The following NSL1 variants were observed in gnomAD, a reference collection of about 807,000 sequenced individuals.
NSL1 encodes the protein NSL1 component of MIS12 kinetochore complex.
In NSL1, 11 loss-of-function variants were observed where a neutral mutation model predicts 25.4. The observed-to-expected ratio is 0.43, with a 90% CI of 0.27 to 0.72. NSL1 has a LOEUF of 0.72. Ranked by LOEUF, NSL1 falls within the 30% of genes least tolerant of loss-of-function variation. The probability of loss-of-function intolerance (pLI) is 0.19; values close to 1 mark genes in which losing one functional copy is unlikely to be tolerated. For synonymous variants in NSL1, 118 were observed against 120.6 expected (o/e 0.98, Z 0.14); for missense variants, 330 against 342.7 (o/e 0.96, Z 0.29).
intron 4 of NSL1, among the ~76,000 whole-genome samples, chr1:212,778,392 TCGCTCTC>T (rs1413168207): frequency 1.3e-5 from 2 of 151,940 alleles, no homozygotes. Context: ...GCGTCAGTTT[TCGCTCTC>T]TCCTCTCTCC....
At chr1:212,770,814 T>C (rs542978414) in intron 4 of NSL1, among the ~76,000 whole-genome samples, 79 of 152,188 alleles carry the variant, frequency 5.2e-4, no homozygotes, top group African/African-American at 1.9e-3. Flanking sequence ...GCAAACTGAA[T>C]TGAACAACAC....
At chr1:212,764,015 G>C (rs1160631804) in intron 4 of NSL1, 1 of 440,050 alleles carries the variant, frequency 2.3e-6, no homozygotes, top group Non-Finnish European at 4.6e-6. Context: ...TCCAAGATAG[G>C]TGATATGATG....
In NSL1 at chr1:212,729,900, A is replaced by G; in HGVS notation, c.*8508T>C. ...CAGGCAGCAAGGACCCTGAGGGGGC[A>G]GGTAACCAGAAGCTGCCTTGTGGAG... On this transcript the variant is annotated 3_prime_UTR_variant, in exon 6 of 6. Transcript: ENST00000366977. The G allele has an allele frequency of 2.0e-6, 2 of 985,340 alleles. No homozygotes were observed. Among genetic ancestry groups the G allele is most frequent in the Non-Finnish European group, 2.4e-6 (2 of 829,912 alleles). The allele number at this position is 985,340 out of a possible 1,614,324, so 61.0% of individuals were successfully genotyped here.
intron 2 of NSL1, 74 bp from the exon 3 acceptor site, chr1:212,784,567 C>T: frequency 1.1e-6 from 1 of 879,786 alleles, no homozygotes; most frequent in Non-Finnish European, 1.6e-6. Flanking sequence ...TGGAAATGTG[C>T]TATAAACTAA....
In NSL1 at chr1:212,736,593, G is replaced by T. The variant is rs1176224030; in HGVS notation, c.*1815C>A. 1.0e-6 allele frequency: 1 copy of T among 985,146 alleles called. No homozygotes were observed. Among genetic ancestry groups the T allele is most frequent in the African/African-American group, 1.7e-5 (1 of 57,206 alleles). The allele number at this position is 985,146 out of a possible 1,614,324, so 61.0% of individuals were successfully genotyped here. On this transcript the variant is annotated 3_prime_UTR_variant, in exon 6 of 6. Transcript: ENST00000366977. ...CTAATACGTACTGTCTTTCCCAGTGGTATTTCTATTTTAAACTCTGCTATA... is the reference window on the plus strand; with the variant it reads ...CTAATACGTACTGTCTTTCCCAGTGTTATTTCTATTTTAAACTCTGCTATA...
intron 4 of NSL1, among the ~76,000 whole-genome samples, chr1:212,758,545 T>A (rs1355926538): frequency 1.3e-5 from 2 of 152,182 alleles, no homozygotes; most frequent in Admixed American, 1.3e-4. Flanking sequence ...TTAAAAATAA[T>A]TCAATTTACA....
rs910966256 is a variant in NSL1, at chr1:212,735,195, T to C, written c.*3213A>G. ...CTTTAAGATCTCTGACTTTTGATCA[T>C]AGACAGGTTAAGTAACTTGTCCAAT... On this transcript the variant is annotated 3_prime_UTR_variant, in exon 6 of 6. Transcript: ENST00000366977. 6 of 541,434 alleles carry C rather than the reference T, an allele frequency of 1.1e-5. No homozygotes were observed. The highest frequency in any genetic ancestry group is 6.4e-5 in the Admixed American group (1 of 15,722). 33.5% of individuals were successfully genotyped at this position (541,434 alleles called of 1,614,324 possible).
Position 212,731,098 on chromosome 1 carries a change from C to A in NSL1, c.*7310G>T, listed in dbSNP as rs1014547172. 13 of 984,896 alleles carry A rather than the reference C, an allele frequency of 1.3e-5. No homozygotes were observed. The Admixed American group carries it at 7.4e-4, about 56-fold the overall frequency. 61.0% of individuals were successfully genotyped at this position (984,896 alleles called of 1,614,324 possible). ...TCCTTTCATATAAAATCCCCAAGAA[C>A]CCCCTTCAGTGGTTCTCTAGAGAGA... On this transcript the variant is annotated 3_prime_UTR_variant, in exon 6 of 6. Transcript: ENST00000366977.
rs1447308786 is a variant in NSL1 at position 212,731,565 on chromosome 1, T to C, written c.*6843A>G. ...TGCATTTAATTTTAAAAATCAAATC[T>C]ATGAGGCTTCTATCAAAAATTATCA... On this transcript the variant is annotated 3_prime_UTR_variant, in exon 6 of 6. Transcript: ENST00000366977. The C allele has an allele frequency of 1.0e-6, 1 of 985,306 alleles. No homozygotes were observed. The highest frequency in any genetic ancestry group is 1.2e-6 in the Non-Finnish European group (1 of 829,920). The allele number at this position is 985,306 out of a possible 1,614,324, so 61.0% of individuals were successfully genotyped here. A position where few individuals can be genotyped will look rare whatever the true frequency, so the allele number is the denominator to read the frequency against.
intron 4 of NSL1, among the ~76,000 whole-genome samples, chr1:212,778,767 A>C (rs1418675125): frequency 7.5e-5 from 11 of 145,950 alleles, no homozygotes; most frequent in Admixed American, 1.4e-4. Context: ...ACCTCCCAGC[A>C]GCCTGCCTTG....
In NSL1 at chr1:212,727,266, C is replaced by T; in HGVS notation, c.*11142G>A. On this transcript the variant is annotated 3_prime_UTR_variant, in exon 6 of 6. Coordinates refer to ENST00000366977, the MANE Select transcript of NSL1 (RefSeq NM_015471.4). ...GGCTTTCAAGACTTGCCTTGAGACT[C>T]AGAGCTGTTTCACAACCCTTTGTTC... The T allele has an allele frequency of 7.3e-7, 1 of 1,368,972 alleles. No individual in the cohort carries two copies. The highest frequency in any genetic ancestry group is 9.5e-7 in the Non-Finnish European group (1 of 1,053,562). 84.8% of individuals were successfully genotyped at this position (1,368,972 alleles called of 1,614,324 possible). A position where few individuals can be genotyped will look rare whatever the true frequency, so the allele number is the denominator to read the frequency against.
In NSL1 at chr1:212,728,987, A is replaced by T; in HGVS notation, c.*9421T>A. The T allele has an allele frequency of 1.0e-6, 1 of 985,360 alleles. No homozygotes were observed. Among genetic ancestry groups the T allele is most frequent in the Non-Finnish European group, 1.2e-6 (1 of 829,856 alleles). The allele number at this position is 985,360 out of a possible 1,614,324, so 61.0% of individuals were successfully genotyped here. On this transcript the variant is annotated 3_prime_UTR_variant, in exon 6 of 6. Coordinates refer to ENST00000366977, the MANE Select transcript of NSL1 (RefSeq NM_015471.4). Reference sequence around the variant, plus strand: ...AAAGAAATGAGGAGTAATTTTAGTAAGGAGGATTTCTAAAGAAGCAGTCAT... The same window carrying T: ...AAAGAAATGAGGAGTAATTTTAGTATGGAGGATTTCTAAAGAAGCAGTCAT...
intron 4 of NSL1, among the ~76,000 whole-genome samples, chr1:212,770,290 T>C (rs1660042064): frequency 6.6e-6 from 1 of 151,984 alleles, no homozygotes; most frequent in African/African-American, 2.4e-5. Flanking sequence ...AACTGATAAA[T>C]GGCTAGCTAG....
chr1:212,732,237 T>C lies in NSL1; in HGVS notation c.*6171A>G, dbSNP rs1268588230. On this transcript the variant is annotated 3_prime_UTR_variant, in exon 6 of 6. Transcript: ENST00000366977. Reference sequence around the variant, plus strand: ...ACAAAACATCTCCTTTATACAATTTTCTGCATAGTTAACATTATCACTCGT... The same window carrying C: ...ACAAAACATCTCCTTTATACAATTTCCTGCATAGTTAACATTATCACTCGT... 8.1e-6 allele frequency: 8 copies of C among 981,798 alleles called. No individual in the cohort carries two copies. Among genetic ancestry groups the C allele is most frequent in the Non-Finnish European group, 9.7e-6 (8 of 826,820 alleles). The allele number at this position is 981,798 out of a possible 1,614,324, so 60.8% of individuals were successfully genotyped here. A position where few individuals can be genotyped will look rare whatever the true frequency, so the allele number is the denominator to read the frequency against.
At chr1:212,782,482 C>G in intron 3 of NSL1, 56 bp from the exon 4 acceptor site, 1 of 1,195,856 alleles carries the variant, frequency 8.4e-7, no homozygotes, top group South Asian at 1.2e-5. Context: ...ATATAAACAT[C>G]TCTTTCAGCT....
At position 212,754,785 on chromosome 1, in the gene NSL1, A is replaced by AAAAAAAAAAAAAAAG. The variant is rs1553252344; in HGVS notation, c.500-15185_500-15184insCTTTTTTTTTTTTTT. Among the ~76,000 whole-genome samples the AAAAAAAAAAAAAAAG allele has an allele frequency of 3.3e-5, 5 of 149,500 alleles. 1 individual carries two copies. Among genetic ancestry groups the AAAAAAAAAAAAAAAG allele is most frequent in the Non-Finnish European group, 5.9e-5 (4 of 67,250 alleles). ...ATTCTGTCTCAAAAAAAAAAAAAAA[A>AAAAAAAAAAAAAAAG]CCAACTCAAAAGACAAAACTGCTCC... On this transcript the variant is annotated intron_variant, in intron 4 of 5. Transcript: ENST00000366977.
At chr1:212,745,663 A>C (rs939965135) in intron 4 of NSL1, among the ~76,000 whole-genome samples, 1 of 144,948 alleles carries the variant, frequency 6.9e-6, no homozygotes, top group Non-Finnish European at 1.5e-5. Context: ...ACATTTCCAG[A>C]TAAAAACTGA....
chr1:212,754,315 T>C (rs1208778273), intron 4 of NSL1, among the ~76,000 whole-genome samples: 2 of 152,134 alleles, frequency 1.3e-5, no homozygotes, highest in Admixed American at 6.5e-5. Flanking sequence ...CAAGTCAGGC[T>C]AAAGCTGCAG....
At chr1:212,772,499 A>G (rs1308114564) in intron 4 of NSL1, among the ~76,000 whole-genome samples, 1 of 151,704 alleles carries the variant, frequency 6.6e-6, no homozygotes, top group Non-Finnish European at 1.5e-5. Flanking sequence ...CTACCAAAAA[A>G]CAAAAATAAA....
Sources: allele counts gnomAD v4.1 joint callset (sites outside exome capture counted in the v4.1 genomes callset), GRCh38; gene constraint gnomAD v4.1.1; transcripts MANE v1.5; gene names NCBI Gene and HGNC (gene_info 2026-07-23, HGNC 2026-07-21).